Variants in PPFIA2 observed in about 807,000 individuals in gnomAD.
PPFIA2 encodes liprin-alpha-2.
Under a neutral mutation model 175.5 loss-of-function variants are expected in PPFIA2, and 46 were observed. The observed-to-expected ratio is 0.26, with a 90% CI of 0.21 to 0.34. PPFIA2 has a LOEUF of 0.34. PPFIA2 is among the 10% of genes least tolerant of loss of function. PPFIA2 has a pLI of 1.00. For missense variants in PPFIA2, 1,179 were observed against 1,506.1 expected (o/e 0.78, Z 3.60); for synonymous variants, 568 against 511.4 (o/e 1.11, Z -1.49).
intron 4 of PPFIA2, among the ~76,000 whole-genome samples, chr12:81,516,688 T>C (rs1399538905): frequency 6.6e-6 from 1 of 152,166 alleles, no homozygotes; most frequent in Admixed American, 6.5e-5. Flanking sequence ...GCAAAGAGCC[T>C]TCAGAAGGAA....
chr12:81,547,070 T>C (rs977031645), intron 4 of PPFIA2, among the ~76,000 whole-genome samples: 1 of 152,162 alleles, frequency 6.6e-6, no homozygotes, highest in African/African-American at 2.4e-5. Flanking sequence ...TTCCAGTGCC[T>C]AGATTTTGGT....
At chr12:81,519,296 C>T (rs1051511297) in intron 4 of PPFIA2, among the ~76,000 whole-genome samples, 1 of 152,182 alleles carries the variant, frequency 6.6e-6, no homozygotes, top group Non-Finnish European at 1.5e-5. Context: ...TCTCCTCAAT[C>T]TGTCTTTAAG....
At position 81,270,789 on chromosome 12, in the gene PPFIA2, T is replaced by A. The variant is rs968865898; in HGVS notation, c.3311-2702A>T. 2.0e-5 allele frequency: 3 copies of A among 152,302 alleles called. No individual in the cohort carries two copies. In the East Asian group the frequency reaches 5.8e-4, roughly 29 times the overall value. 9.4% of individuals were successfully genotyped at this position (152,302 alleles called of 1,614,324 possible). A position where few individuals can be genotyped will look rare whatever the true frequency, so the allele number is the denominator to read the frequency against. Reference sequence around the variant, plus strand: ...CCCTGACAAACTAATACATGGGGTGTCTCATTGTAGTTTTAATCAGTAACA... The same window carrying A: ...CCCTGACAAACTAATACATGGGGTGACTCATTGTAGTTTTAATCAGTAACA... On this transcript the variant is annotated intron_variant, in intron 28 of 32. Transcript: ENST00000549396.
intron 4 of PPFIA2, among the ~76,000 whole-genome samples, chr12:81,508,725 T>A (rs1387298569): frequency 4.0e-5 from 6 of 151,238 alleles, no homozygotes; most frequent in Non-Finnish European, 8.8e-5. Context: ...TAACTCATCA[T>A]CTAGCATTAG....
chr12:81,658,274 AAAAAAAAAAAG>A (rs1462244446), intron 4 of PPFIA2, among the ~76,000 whole-genome samples: 1 of 134,746 alleles, frequency 7.4e-6, no homozygotes, highest in Admixed American at 7.2e-5. Context: ...ATCTCAAAAA[AAAAAAAAAAAG>A]AAAAGAAAAG....
intron 30 of PPFIA2, among the ~76,000 whole-genome samples, chr12:81,265,848 T>A (rs1384577327): frequency 2.0e-5 from 3 of 152,206 alleles, no homozygotes; most frequent in Admixed American, 2.0e-4. Context: ...AACTTATAAG[T>A]AAGAATAATT....
chr12:81,756,561 A>G (rs2084703337), intron 2 of PPFIA2, among the ~76,000 whole-genome samples: 1 of 152,104 alleles, frequency 6.6e-6, no homozygotes. Context: ...TCTACACTCA[A>G]AAGAACTTGA....
At chr12:81,424,178 A>C (rs1343444843) in intron 7 of PPFIA2, among the ~76,000 whole-genome samples, 7 of 152,122 alleles carry the variant, frequency 4.6e-5, no homozygotes. Context: ...ATTTTATTTA[A>C]ATCTCAAAAC....
intron 16 of PPFIA2, among the ~76,000 whole-genome samples, chr12:81,357,312 CA>C (rs1378929891): frequency 6.6e-6 from 1 of 152,156 alleles, no homozygotes; most frequent in Non-Finnish European, 1.5e-5. Flanking sequence ...TAATACATGG[CA>C]TACTGGTGCC....
At chr12:81,683,407 C>T (rs1248168585) in intron 3 of PPFIA2, among the ~76,000 whole-genome samples, 1 of 151,826 alleles carries the variant, frequency 6.6e-6, no homozygotes, top group African/African-American at 2.4e-5. Flanking sequence ...TCTCCCTCTC[C>T]CCTATATATT....
In PPFIA2 at chr12:81,386,317, AAAT is replaced by A. The variant is rs869119470; in HGVS notation, c.763-2076_763-2074del. Among the ~76,000 whole-genome samples the A allele has an allele frequency of 5.7e-4, 86 of 149,734 alleles. 1 individual carries two copies. The highest frequency in any genetic ancestry group is 1.9e-3 in the Admixed American group (28 of 15,060). On this transcript the variant is annotated intron_variant, in intron 8 of 32. Transcript: ENST00000549396. The stretch of plus-strand genomic sequence containing the variant: ...TAAATAAATAAATAAATAAATAAAT[AAAT>A]AAGAAAAGAAAAGAAAGTATGGGCT...
chr12:81,291,199 G>A (rs977213251), intron 24 of PPFIA2, among the ~76,000 whole-genome samples: 1 of 151,672 alleles, frequency 6.6e-6, no homozygotes, highest in Non-Finnish European at 1.5e-5. Flanking sequence ...TGTCATCTTT[G>A]TATTTTTCTG....
At chr12:81,556,002 C>A (rs2068793581) in intron 4 of PPFIA2, among the ~76,000 whole-genome samples, 1 of 151,798 alleles carries the variant, frequency 6.6e-6, no homozygotes, top group South Asian at 2.1e-4. Flanking sequence ...TGGGATGGAA[C>A]TAAGAAATGT....
chr12:81,611,302 C>T (rs755193849), intron 4 of PPFIA2, among the ~76,000 whole-genome samples: 7 of 152,130 alleles, frequency 4.6e-5, no homozygotes, highest in Non-Finnish European at 8.8e-5. Flanking sequence ...TCCACTCCTA[C>T]CTGGGGCCCG....
intron 22 of PPFIA2, among the ~76,000 whole-genome samples, chr12:81,305,506 C>A (rs2048921584): frequency 6.6e-6 from 1 of 152,158 alleles, no homozygotes; most frequent in African/African-American, 2.4e-5. Flanking sequence ...GATTTACCTA[C>A]TGTATCTATT....
At chr12:81,424,111 T>C (rs2046756748) in intron 7 of PPFIA2, among the ~76,000 whole-genome samples, 3 of 152,100 alleles carry the variant, frequency 2.0e-5, no homozygotes, top group Non-Finnish European at 1.5e-5. Context: ...AATCTTTTAA[T>C]TTTCATAACA....
chr12:81,618,028 C>A (rs1322362222), intron 4 of PPFIA2, among the ~76,000 whole-genome samples: 1 of 152,166 alleles, frequency 6.6e-6, no homozygotes. Context: ...AGTATGTTTT[C>A]TCAGGGCATT....
intron 17 of PPFIA2, among the ~76,000 whole-genome samples, chr12:81,352,576 T>C (rs1257567095): frequency 6.6e-6 from 1 of 151,790 alleles, no homozygotes. Flanking sequence ...CTAAAACTGT[T>C]AATGTTAATA....
intron 4 of PPFIA2, among the ~76,000 whole-genome samples, chr12:81,632,690 C>T (rs1483837701): frequency 6.6e-6 from 1 of 151,044 alleles, no homozygotes; most frequent in African/African-American, 2.4e-5. Flanking sequence ...TTTCTCACCT[C>T]TGTCAGGAAT....
Sources: gnomAD v4.1 joint callset for allele counts (sites outside exome capture counted in the v4.1 genomes callset) on GRCh38, gnomAD v4.1.1 for gene constraint, MANE v1.5 for transcripts, NCBI Gene and HGNC (gene_info 2026-07-23, HGNC 2026-07-21) for gene names.